The following SMPX variants were observed in gnomAD, a reference collection of about 807,000 sequenced individuals.
SMPX encodes small muscle protein X-linked.
SMPX carries 2 observed loss-of-function variants against 6.3 expected under a neutral mutation model. That is an observed-to-expected ratio of 0.32 (90% confidence interval 0.13 to 0.99). SMPX has a LOEUF of 0.99. SMPX is among the 50% of genes least tolerant of loss of function. The pLI, the probability that SMPX is intolerant of heterozygous loss-of-function variation, is 0.49. For synonymous variants in SMPX, 32 were observed against 24.7 expected, an observed-to-expected ratio of 1.30 and a Z score of -0.88; for missense variants, 60 against 66.8, an observed-to-expected ratio of 0.90 and a Z score of 0.36.
chrX:21,742,856 C>CT (rs2092817482), intron 3 of SMPX, among the ~76,000 whole-genome samples: 1 of 112,302 alleles, frequency 8.9e-6, no homozygotes, highest in Non-Finnish European at 1.9e-5. Flanking sequence ...CTTAAAAAGC[C>CT]TTTTTACCCT....
intron 4 of SMPX, among the ~76,000 whole-genome samples, chrX:21,725,144 T>A (rs2147378876): frequency 9.0e-6 from 1 of 111,668 alleles, no homozygotes; most frequent in Non-Finnish European, 1.9e-5. Context: ...TCAAATTAAA[T>A]AATGTCAGAT....
intron 4 of SMPX, among the ~76,000 whole-genome samples, chrX:21,719,184 A>C (rs759645399): frequency 1.8e-5 from 2 of 112,075 alleles, no homozygotes; most frequent in South Asian, 7.4e-4. Context: ...TGTTCGTAAT[A>C]TCCTGTGCTT....
At chrX:21,741,677 C>T (rs1017530827) in intron 3 of SMPX, among the ~76,000 whole-genome samples, 1 of 111,156 alleles carries the variant, frequency 9.0e-6, no homozygotes, top group Non-Finnish European at 1.9e-5. Context: ...AAAGAAATAC[C>T]ATCACTAGCT....
chrX:21,723,512 T>C (rs7890478), intron 4 of SMPX, among the ~76,000 whole-genome samples: 5,880 of 112,036 alleles, frequency 0.052, 389 homozygotes, highest in African/African-American at 0.18. Context: ...AAATGATCTC[T>C]GTAGGTTGGA....
chrX:21,708,145 A>G (rs2092774902), intron 4 of SMPX, among the ~76,000 whole-genome samples: 1 of 112,381 alleles, frequency 8.9e-6, no homozygotes, highest in South Asian at 3.7e-4. Flanking sequence ...TTAAAAATGG[A>G]ATGCTCACCT....
intron 2 of SMPX, among the ~76,000 whole-genome samples, chrX:21,749,734 A>G (rs2092825449): frequency 2.7e-5 from 3 of 112,135 alleles, no homozygotes; most frequent in Admixed American, 9.5e-5. Context: ...GTAAACCTTG[A>G]ATAAACTGAA....
intron 2 of SMPX, among the ~76,000 whole-genome samples, chrX:21,748,669 C>A (rs943880017): frequency 1.8e-5 from 2 of 111,956 alleles, no homozygotes; most frequent in African/African-American, 3.3e-5. Context: ...TTAAAAGAAA[C>A]CAGCATTGGA....
Position 21,711,182 on chromosome X carries a change from C to A in SMPX, c.*15-4788G>T, listed in dbSNP as rs142218473. Among the ~76,000 whole-genome samples the A allele has an allele frequency of 7.6e-3, 854 of 111,927 alleles. 4 individuals carry two copies. Among genetic ancestry groups the A allele is most frequent in the Non-Finnish European group, 0.013 (673 of 53,166 alleles). On this transcript the variant is annotated intron_variant, in intron 4 of 4. Coordinates refer to ENST00000379494, the MANE Select transcript of SMPX (RefSeq NM_014332.3). ...GGCATGATACCAGAATACAAAAATT[C>A]GGGAATCCAGATACCTGAGCTCCCT...
chrX:21,715,318 G>A (rs769358299), intron 4 of SMPX, among the ~76,000 whole-genome samples: 218 of 109,013 alleles, frequency 2.0e-3, no homozygotes, highest in African/African-American at 6.2e-3. Context: ...GCACGCGCGC[G>A]CGCTCGCGCG....
intron 4 of SMPX, among the ~76,000 whole-genome samples, chrX:21,715,301 T>TGTGC (rs1443695173): frequency 2.3e-5 from 2 of 87,609 alleles, no homozygotes; most frequent in South Asian, 4.3e-4. Flanking sequence ...TGTGTGTGTG[T>TGTGC]GTGCGCGCAC....
At chrX:21,734,034 G>A (rs1005460917) in intron 4 of SMPX, among the ~76,000 whole-genome samples, 32 of 111,611 alleles carry the variant, frequency 2.9e-4, no homozygotes, top group African/African-American at 1.0e-3. Flanking sequence ...GTTGTTAGTG[G>A]GTCATAAACA....
chrX:21,743,942 T>C lies in SMPX; in HGVS notation c.46-106A>G, dbSNP rs954511970. The C allele has an allele frequency of 2.6e-5, 15 of 588,065 alleles. No homozygotes were observed. In the African/African-American group the frequency reaches 3.3e-4, roughly 13 times the overall value. 48.5% of individuals were successfully genotyped at this position (588,065 alleles called of 1,213,427 possible). A position where few individuals can be genotyped will look rare whatever the true frequency, so the allele number is the denominator to read the frequency against. Reference sequence around the variant, plus strand: ...GAAAAATGCGTCTGAAAAGTACATCTTCAAAGCTTTTTATCTCAGGAAAAT... The same window carrying C: ...GAAAAATGCGTCTGAAAAGTACATCCTCAAAGCTTTTTATCTCAGGAAAAT... On this transcript the variant is annotated intron_variant, in intron 2 of 4. Coordinates refer to ENST00000379494, the MANE Select transcript of SMPX (RefSeq NM_014332.3).
chrX:21,717,490 G>A (rs2092786531), intron 4 of SMPX, among the ~76,000 whole-genome samples: 1 of 112,588 alleles, frequency 8.9e-6, no homozygotes, highest in Admixed American at 9.4e-5. Context: ...AGAAATCAAT[G>A]TATGTTTCTT....
rs779743890 is a variant in SMPX at position 21,733,627 on chromosome X, A to G, written c.*14+3922T>C. 12 of 300,075 alleles carry G rather than the reference A, an allele frequency of 4.0e-5. No homozygotes were observed. In the East Asian group the frequency reaches 1.2e-3, roughly 31 times the overall value. 24.7% of individuals were successfully genotyped at this position (300,075 alleles called of 1,213,427 possible). ...TGCGACTTTCTCGGTGCTTATTAGC[A>G]TCATTGTAGAATTATTCTTAGGTTT... On this transcript the variant is annotated intron_variant, in intron 4 of 4. Transcript: ENST00000379494.
rs1431450310 is a variant in SMPX, at chrX:21,731,556, T to C, written c.*14+5993A>G. On this transcript the variant is annotated intron_variant, in intron 4 of 4. Transcript: ENST00000379494. ...CACATTATGTGTGTATGTGTATATA[T>C]ACACATTATGTGTATATGTGTATAT... 1.9e-4 allele frequency among the ~76,000 whole-genome samples: 15 copies of C among 77,095 alleles called. 2 individuals are homozygous for C. Among genetic ancestry groups the C allele is most frequent in the Non-Finnish European group, 2.4e-4 (9 of 37,348 alleles). 66.9% of individuals were successfully genotyped at this position (77,095 alleles called of 115,157 possible).
chrX:21,754,263 T>C lies in SMPX; in HGVS notation c.28A>G (p.Asn10Asp). Residue 10 changes from asparagine to aspartate, a missense_variant, in exon 2 of 5, where the codon AAT becomes GAT. By Grantham distance (23) the Asn-to-Asp change is conservative. Transcript: ENST00000379494. MNMSKQPVS[N>D]VRAIQANINI... Reference sequence around the variant, plus strand: ...CTACTTACCTGGATGGCTCTAACATTGGAAACTGGCTGTTTCGACATATTC... The same window carrying C: ...CTACTTACCTGGATGGCTCTAACATCGGAAACTGGCTGTTTCGACATATTC... 1 of 1,210,663 alleles carries C rather than the reference T, an allele frequency of 8.3e-7. No homozygotes were observed. The highest frequency in any genetic ancestry group is 1.8e-5 in the South Asian group (1 of 56,972).
chrX:21,748,476 A>G (rs1164523468), intron 2 of SMPX, among the ~76,000 whole-genome samples: 6 of 112,002 alleles, frequency 5.4e-5, no homozygotes, highest in Non-Finnish European at 9.4e-5. Flanking sequence ...AGTCGGGGGC[A>G]GGTTGTATTC....
chrX:21,734,696 T>C (rs1190728295), intron 4 of SMPX, among the ~76,000 whole-genome samples: 1 of 111,570 alleles, frequency 9.0e-6, no homozygotes, highest in Non-Finnish European at 1.9e-5. Context: ...TTGCCTGGTC[T>C]GGTTCCGGTT....
At chrX:21,735,122 G>T (rs2092809182) in intron 4 of SMPX, among the ~76,000 whole-genome samples, 2 of 111,897 alleles carry the variant, frequency 1.8e-5, no homozygotes, top group Non-Finnish European at 1.9e-5. Flanking sequence ...GAAGGGTTAA[G>T]TGATGGCTGG....
Sources: gnomAD v4.1 joint callset for allele counts (sites outside exome capture counted in the v4.1 genomes callset) on GRCh38, gnomAD v4.1.1 for gene constraint, MANE v1.5 for transcripts, NCBI Gene and HGNC (gene_info 2026-07-23, HGNC 2026-07-21) for gene names.